Variants in TMEM164 observed in about 807,000 individuals in gnomAD.
TMEM164 encodes the protein transmembrane protein 164.
Under a neutral mutation model 18.8 loss-of-function variants are expected in TMEM164, and 4 were observed. The ratio of observed to expected loss-of-function variants is 0.21; its 90% CI spans 0.10 to 0.49. The LOEUF (loss-of-function observed/expected upper bound fraction) is 0.49. Among genes scored for constraint, TMEM164 ranks in the 20% least tolerant of loss-of-function variants. The pLI, the probability that TMEM164 is intolerant of heterozygous loss-of-function variation, is 0.98. For missense variants in TMEM164, 108 were observed against 239.9 expected, an observed-to-expected ratio of 0.45 and a Z score of 3.63; for synonymous variants, 86 against 101.7, an observed-to-expected ratio of 0.85 and a Z score of 0.93.
intron 4 of TMEM164, among the ~76,000 whole-genome samples, chrX:110,139,587 G>A (rs2066739837): frequency 8.9e-6 from 1 of 112,018 alleles, no homozygotes; most frequent in Non-Finnish European, 1.9e-5. Context: ...AGGGTTAATA[G>A]CATGGCTTTA....
chrX:110,081,638 TA>T (rs35761105), intron 3 of TMEM164, among the ~76,000 whole-genome samples: 1 of 112,783 alleles, frequency 8.9e-6, no homozygotes, highest in Non-Finnish European at 1.9e-5. Flanking sequence ...CATTGTTGTT[TA>T]AATTGTTAAA....
downstream of TMEM164, among the ~76,000 whole-genome samples, chrX:110,183,405 C>T (rs1251889415): frequency 4.5e-5 from 5 of 112,337 alleles, no homozygotes; most frequent in East Asian, 8.4e-4. Context: ...AGTCACTAGC[C>T]GCCACTCAGT....
At chrX:110,096,423 G>A (rs1321036349) in intron 3 of TMEM164, among the ~76,000 whole-genome samples, 5 of 112,864 alleles carry the variant, frequency 4.4e-5, no homozygotes, top group African/African-American at 1.6e-4. Context: ...CCGCCTTGCA[G>A]TTCTATCTCA....
Position 110,003,157 on chromosome X carries a change from G to A in TMEM164, c.-296G>A, listed in dbSNP as rs1441317094. The A allele has an allele frequency of 8.9e-6, 1 of 112,780 alleles. No homozygotes were observed. Among genetic ancestry groups the A allele is most frequent in the East Asian group, 2.8e-4 (1 of 3,525 alleles). The allele number at this position is 112,780 out of a possible 1,213,427, so 9.3% of individuals were successfully genotyped here. Reference sequence around the variant, plus strand: ...CAGAGACGGCCACGCGGTTGCAGGAGTAAGAGATCCCTCTGTGGCGAGTGC... The same window carrying A: ...CAGAGACGGCCACGCGGTTGCAGGAATAAGAGATCCCTCTGTGGCGAGTGC... On this transcript the variant is annotated 5_prime_UTR_variant, in exon 1 of 7. Coordinates refer to ENST00000372068, the MANE Select transcript of TMEM164 (RefSeq NM_032227.4).
rs758310423 is a variant in TMEM164, at chrX:110,108,997, C to T, written c.441-83C>T. ...GTATACATAGTTCTCTTCCATATGC[C>T]GTGGCTTAACCTGATGTGTCTTTTT... is the stretch of plus-strand genomic sequence containing the variant. On this transcript the variant is annotated intron_variant, in intron 3 of 6. Transcript: ENST00000372068. 1.8e-5 allele frequency: 16 copies of T among 913,274 alleles called. No individual in the cohort carries two copies. The Admixed American group carries it at 2.0e-4, about 11-fold the overall frequency. 75.3% of individuals were successfully genotyped at this position (913,274 alleles called of 1,213,427 possible).
intron 5 of TMEM164, among the ~76,000 whole-genome samples, chrX:110,165,484 C>T (rs1376567712): frequency 1.8e-5 from 2 of 112,468 alleles, no homozygotes; most frequent in African/African-American, 6.5e-5. Context: ...ACGATTGCCT[C>T]TTTAATTTTG....
At position 110,009,866 on chromosome X, in the gene TMEM164, G is replaced by A. The variant is rs761250735; in HGVS notation, c.390+5702G>A. ...AAATTAGCCAGGTGTGGTGGCACGC[G>A]CCTGTAGTCCCAGCTACTCGGGAGG... On this transcript the variant is annotated intron_variant, in intron 2 of 6. Transcript: ENST00000372068. 1.9e-3 allele frequency among the ~76,000 whole-genome samples: 206 copies of A among 109,992 alleles called. 3 individuals carry two copies. Among genetic ancestry groups the A allele is most frequent in the Non-Finnish European group, 3.3e-3 (175 of 52,745 alleles).
At chrX:110,033,200 G>A (rs745375243) in intron 2 of TMEM164, among the ~76,000 whole-genome samples, 49 of 111,994 alleles carry the variant, frequency 4.4e-4, no homozygotes, top group Non-Finnish European at 8.7e-4. Flanking sequence ...AAAAAAGCTA[G>A]CAGAATTACA....
chrX:110,167,934 C>T (rs1319311369), intron 5 of TMEM164, among the ~76,000 whole-genome samples: 5 of 112,124 alleles, frequency 4.5e-5, no homozygotes, highest in Admixed American at 9.4e-5. Flanking sequence ...TTTCCCTCTG[C>T]AGCATGGGGC....
At chrX:110,005,581 G>C (rs1280180761) in intron 2 of TMEM164, among the ~76,000 whole-genome samples, 6 of 112,209 alleles carry the variant, frequency 5.3e-5, no homozygotes, top group Non-Finnish European at 1.1e-4. Flanking sequence ...TTGGAATAAA[G>C]TGGCTGTTTT....
chrX:110,129,677 CT>C (rs969917887), intron 4 of TMEM164, among the ~76,000 whole-genome samples: 2 of 112,630 alleles, frequency 1.8e-5, no homozygotes, highest in African/African-American at 6.5e-5. Flanking sequence ...ACATCTGGAT[CT>C]TGTTTTCCAA....
At chrX:110,179,732 G>A (rs756663241), downstream of TMEM164, among the ~76,000 whole-genome samples, 11 of 111,934 alleles carry the variant, frequency 9.8e-5, no homozygotes, top group South Asian at 7.4e-4. Context: ...TCCCTCTTAC[G>A]TGATTCATTA....
intron 4 of TMEM164, among the ~76,000 whole-genome samples, chrX:110,138,785 A>G (rs1358902859): frequency 1.8e-5 from 2 of 112,123 alleles, no homozygotes; most frequent in African/African-American, 6.5e-5. Flanking sequence ...AGTGGTATCT[A>G]GAATCTCTCT....
At chrX:110,113,838 G>C (rs142992233) in intron 4 of TMEM164, among the ~76,000 whole-genome samples, 2 of 111,994 alleles carry the variant, frequency 1.8e-5, no homozygotes, top group African/African-American at 6.5e-5. Context: ...GTGTATTCCA[G>C]TGGCCCATAT....
chrX:110,108,974 A>G (rs2066252432), intron 3 of TMEM164, 106 bp from the exon 4 acceptor site: 3 of 712,168 alleles, frequency 4.2e-6, no homozygotes, highest in Non-Finnish European at 4.4e-6. Context: ...AGCAACTTGT[A>G]TACATAGTTC....
intron 5 of TMEM164, among the ~76,000 whole-genome samples, chrX:110,155,715 G>T (rs1416974083): frequency 9.0e-6 from 1 of 110,877 alleles, no homozygotes; most frequent in Admixed American, 9.6e-5. Flanking sequence ...ACAGTCTCCA[G>T]AGTGACCATT....
chrX:110,057,203 AC>A (rs771073713), intron 2 of TMEM164, among the ~76,000 whole-genome samples: 9 of 111,784 alleles, frequency 8.1e-5, no homozygotes, highest in African/African-American at 2.9e-4. Context: ...GCCCCAGCTA[AC>A]CATCATTTTA....
chrX:110,137,488 T>C lies in TMEM164; in HGVS notation c.508-7310T>C, dbSNP rs1348248150. Among the ~76,000 whole-genome samples, 6 of 112,462 alleles carry C rather than the reference T, an allele frequency of 5.3e-5. No individual in the cohort carries two copies. In the Admixed American group the frequency reaches 5.6e-4, roughly 11 times the overall value. On this transcript the variant is annotated intron_variant, in intron 4 of 6. Transcript: ENST00000372068. The stretch of plus-strand genomic sequence containing the variant: ...ATCTGCCCATCCTCTCTTCTCTCGC[T>C]GTGTCTGCCTTTGTTTAGGCATTGC...
intron 4 of TMEM164, among the ~76,000 whole-genome samples, chrX:110,141,749 T>G (rs1033958722): frequency 1.8e-5 from 2 of 112,548 alleles, no homozygotes; most frequent in African/African-American, 6.5e-5. Context: ...TATAAGTACT[T>G]AAATATGATT....
Sources: gnomAD v4.1 joint callset for allele counts (sites outside exome capture counted in the v4.1 genomes callset) on GRCh38, gnomAD v4.1.1 for gene constraint, MANE v1.5 for transcripts, NCBI Gene and HGNC (gene_info 2026-07-23, HGNC 2026-07-21) for gene names.